GRB10: variants seen among roughly 807,000 people sequenced by gnomAD.
The protein encoded by GRB10 is growth factor receptor-bound protein 10.
GRB10 carries 20 observed loss-of-function variants against 80.9 expected under a neutral mutation model. The ratio of observed to expected loss-of-function variants is 0.25; its 90% CI spans 0.17 to 0.36. GRB10 has a LOEUF of 0.36. GRB10 is among the 10% of genes least tolerant of loss of function. The probability of loss-of-function intolerance (pLI) is 1.00; values close to 1 mark genes in which losing one functional copy is unlikely to be tolerated. For synonymous variants in GRB10, 291 were observed against 291.5 expected (o/e 1.00, Z 0.02); for missense variants, 548 against 747.7 (o/e 0.73, Z 3.12).
chr7:50,640,925 C>T (rs1188448930), intron 7 of GRB10, among the ~76,000 whole-genome samples: 1 of 152,138 alleles, frequency 6.6e-6, no homozygotes, highest in African/African-American at 2.4e-5. Flanking sequence ...CGGATCCCAG[C>T]CCTATGGAGC....
intron 4 of GRB10, among the ~76,000 whole-genome samples, chr7:50,705,626 C>A (rs2064935999): frequency 6.6e-6 from 1 of 152,142 alleles, no homozygotes; most frequent in Admixed American, 6.5e-5. Flanking sequence ...TACAAATGAT[C>A]CTGATAAACA....
At chr7:50,775,183 A>AAAAAAAAAAAAAAAAAC (rs2077486672) in intron 2 of GRB10, among the ~76,000 whole-genome samples, 1 of 147,488 alleles carries the variant, frequency 6.8e-6, no homozygotes, top group Non-Finnish European at 1.5e-5. Context: ...ACAAAAAAAA[A>AAAAAAAAAAAAAAAAAC]CAGTGGAACA....
chr7:50,708,266 G>A (rs1187422840), intron 4 of GRB10, among the ~76,000 whole-genome samples: 4 of 151,896 alleles, frequency 2.6e-5, no homozygotes, highest in Admixed American at 2.6e-4. Context: ...GAAATTCCAA[G>A]GTCAAAACAG....
chr7:50,683,718 C>CA (rs1256875147), intron 5 of GRB10, among the ~76,000 whole-genome samples: 1 of 151,820 alleles, frequency 6.6e-6, no homozygotes, highest in Non-Finnish European at 1.5e-5. Flanking sequence ...GCCTGGGTGA[C>CA]AGAGCGAGAC....
intron 5 of GRB10, among the ~76,000 whole-genome samples, chr7:50,678,468 T>C (rs1403824575): frequency 2.0e-5 from 3 of 152,194 alleles, no homozygotes; most frequent in Admixed American, 6.5e-5. Flanking sequence ...TTTTAGAAAT[T>C]TTAAATGCCA....
intron 1 of GRB10, 111 bp from the exon 2 acceptor site, chr7:50,780,847 T>C (rs12718908): frequency 6.6e-6 from 1 of 152,276 alleles, no homozygotes; most frequent in East Asian, 1.9e-4. Context: ...AACACAAGTG[T>C]CAGTGAATTT....
In GRB10 at chr7:50,715,178, C is replaced by T. The variant is rs965623364; in HGVS notation, c.52-11270G>A. Reference sequence around the variant, plus strand: ...GAGGTAAGCTAGGTCTGGCCTGGAGCTCCAGCCTGGGGCTCCCAGGTGTGG... The same window carrying T: ...GAGGTAAGCTAGGTCTGGCCTGGAGTTCCAGCCTGGGGCTCCCAGGTGTGG... On this transcript the variant is annotated intron_variant, in intron 4 of 18. Transcript: ENST00000401949. 2.2e-4 allele frequency among the ~76,000 whole-genome samples: 34 copies of T among 151,260 alleles called. 1 individual carries two copies. The highest frequency in any genetic ancestry group is 1.3e-4 in the Admixed American group (2 of 15,210).
exon 1 of GRB10, chr7:50,793,316 G>A (rs2079014527): frequency 6.9e-6 from 1 of 145,944 alleles, no homozygotes; most frequent in Non-Finnish European, 1.5e-5. Context: ...GGCGAGGCCG[G>A]CGCTCAAGAC....
chr7:50,638,534 C>T (rs1005255846), intron 7 of GRB10, among the ~76,000 whole-genome samples: 1 of 152,138 alleles, frequency 6.6e-6, no homozygotes, highest in Non-Finnish European at 1.5e-5. Flanking sequence ...ATTAAAACCA[C>T]AATGAGATAT....
chr7:50,598,579 A>T (rs189289594), intron 17 of GRB10, among the ~76,000 whole-genome samples: 1 of 152,346 alleles, frequency 6.6e-6, no homozygotes, highest in East Asian at 1.9e-4. Flanking sequence ...GTATTAACTC[A>T]TTCATCTTCA....
Position 50,650,645 on chromosome 7 carries a change from TG to T in GRB10, c.504+19076del, listed in dbSNP as rs541536095. Among the ~76,000 whole-genome samples, 5 of 152,222 alleles carry T rather than the reference TG, an allele frequency of 3.3e-5. No homozygotes were observed. The South Asian group carries it at 1.0e-3, about 32-fold the overall frequency. ...GTAAGGATGTGTTCCCCTGTTTGGG[TG>T]GGAAGACAGGCAGGTGAGTGCTGAT... On this transcript the variant is annotated intron_variant, in intron 7 of 18. Transcript: ENST00000401949.
intron 4 of GRB10, among the ~76,000 whole-genome samples, chr7:50,726,514 G>C (rs1036553159): frequency 6.6e-6 from 1 of 152,104 alleles, no homozygotes; most frequent in Non-Finnish European, 1.5e-5. Flanking sequence ...TGTTTGAGAA[G>C]ATTTAGGCAT....
intron 9 of GRB10, 56 bp from the exon 10 acceptor site, chr7:50,618,195 G>C: frequency 2.3e-6 from 3 of 1,284,802 alleles, no homozygotes; most frequent in Non-Finnish European, 3.4e-6. Flanking sequence ...GTGAGGGAAG[G>C]TATGTCATAT....
chr7:50,779,167 A>G (rs1015667049), intron 2 of GRB10: 2 of 151,932 alleles, frequency 1.3e-5, no homozygotes, highest in Non-Finnish European at 2.9e-5. Flanking sequence ...GAATTTCTAG[A>G]GAAAAAGACA....
At chr7:50,632,793 A>G (rs1464971952) in intron 7 of GRB10, among the ~76,000 whole-genome samples, 1 of 152,092 alleles carries the variant, frequency 6.6e-6, no homozygotes, top group Non-Finnish European at 1.5e-5. Context: ...CCTACTGAAG[A>G]GACTCTGTTG....
intron 10 of GRB10, 123 bp downstream of exon 10, chr7:50,617,948 A>T: frequency 2.4e-5 from 20 of 850,758 alleles, no homozygotes; most frequent in Non-Finnish European, 3.6e-5. Flanking sequence ...CCGGCTTAAG[A>T]GCCAAGGTTA....
intron 8 of GRB10, among the ~76,000 whole-genome samples, 179 bp from the exon 9 acceptor site, chr7:50,619,464 G>T (rs761765840): frequency 6.6e-6 from 1 of 152,164 alleles, no homozygotes; most frequent in Non-Finnish European, 1.5e-5. Context: ...TGCATAAGAG[G>T]TCTTAAGATA....
At chr7:50,644,935 G>A (rs1418430686) in intron 7 of GRB10, among the ~76,000 whole-genome samples, 6 of 152,228 alleles carry the variant, frequency 3.9e-5, no homozygotes, top group Admixed American at 3.9e-4. Context: ...AGTCTGAGAA[G>A]CTGAGAGACA....
At chr7:50,641,361 T>C (rs1309748906) in intron 7 of GRB10, among the ~76,000 whole-genome samples, 3 of 152,128 alleles carry the variant, frequency 2.0e-5, no homozygotes, top group Non-Finnish European at 4.4e-5. Context: ...AAGTCTTCCA[T>C]TCAACATTGC....
Sources: gnomAD v4.1 joint callset for allele counts (sites outside exome capture counted in the v4.1 genomes callset) on GRCh38, gnomAD v4.1.1 for gene constraint, MANE v1.5 for transcripts, NCBI Gene and HGNC (gene_info 2026-07-23, HGNC 2026-07-21) for gene names.